FGF10: variants seen among roughly 807,000 people sequenced by gnomAD.
FGF10 encodes FGF-10.
A neutral mutation model predicts 19.8 loss-of-function variants in FGF10; 2 were observed. The observed-to-expected ratio is 0.10, with a 90% CI of 0.04 to 0.32. The LOEUF (loss-of-function observed/expected upper bound fraction) is 0.32. FGF10 is among the 10% of genes least tolerant of loss of function. The probability of loss-of-function intolerance (pLI) is 1.00; values close to 1 mark genes in which losing one functional copy is unlikely to be tolerated. For synonymous variants in FGF10, 112 were observed against 94.0 expected, an observed-to-expected ratio of 1.19 and a Z score of -1.10; for missense variants, 191 against 246.3, an observed-to-expected ratio of 0.78 and a Z score of 1.50.
intron 1 of FGF10, among the ~76,000 whole-genome samples, chr5:44,322,220 T>G (rs1280209037): frequency 6.6e-6 from 1 of 152,188 alleles, no homozygotes; most frequent in East Asian, 1.9e-4. Flanking sequence ...ACTTGCCTAT[T>G]TGTGTGACAT....
chr5:44,348,249 A>T (rs1459941253), intron 1 of FGF10, among the ~76,000 whole-genome samples: 2 of 151,688 alleles, frequency 1.3e-5, no homozygotes. Context: ...TAAAAATATA[A>T]TTTGCTTTTG....
chr5:44,388,721 A>G lies in FGF10; in HGVS notation c.-39T>C. 15 of 1,606,536 alleles carry G rather than the reference A, an allele frequency of 9.3e-6. No homozygotes were observed. Among genetic ancestry groups the G allele is most frequent in the Non-Finnish European group, 1.1e-5 (13 of 1,173,530 alleles). Reference sequence around the variant, plus strand: ...TCGGCACTGGAAATTGTCTCATCAGAAGGAACATACTGGAAGGGTAAGACC... The same window carrying G: ...TCGGCACTGGAAATTGTCTCATCAGGAGGAACATACTGGAAGGGTAAGACC... On this transcript the variant is annotated 5_prime_UTR_variant, in exon 1 of 3. Transcript: ENST00000264664.
chr5:44,373,544 C>T (rs370718045), intron 1 of FGF10, among the ~76,000 whole-genome samples: 8 of 152,144 alleles, frequency 5.3e-5, no homozygotes, highest in Non-Finnish European at 7.4e-5. Context: ...ATCACTTACA[C>T]GTTCTGTTTT....
Position 44,360,846 on chromosome 5 carries a change from A to G in FGF10, c.325+27512T>C, listed in dbSNP as rs144538252. Reference sequence around the variant, plus strand: ...CACAATCACCAAGTGAATAATTGTGAAAGAATATTAATGGCCTGACTACTT... The same window carrying G: ...CACAATCACCAAGTGAATAATTGTGGAAGAATATTAATGGCCTGACTACTT... On this transcript the variant is annotated intron_variant, in intron 1 of 2. Coordinates refer to ENST00000264664, the MANE Select transcript of FGF10 (RefSeq NM_004465.2). Among the ~76,000 whole-genome samples the G allele has an allele frequency of 2.4e-3, 357 of 151,800 alleles. 1 individual carries two copies. The highest frequency in any genetic ancestry group is 8.2e-3 in the African/African-American group (339 of 41,504).
intron 1 of FGF10, among the ~76,000 whole-genome samples, chr5:44,352,496 T>G (rs967155096): frequency 2.6e-5 from 4 of 151,608 alleles, no homozygotes; most frequent in African/African-American, 9.7e-5. Flanking sequence ...TAACTCTGAT[T>G]GAGACAGCTA....
intron 1 of FGF10, among the ~76,000 whole-genome samples, chr5:44,365,776 G>A (rs1741595284): frequency 6.6e-6 from 1 of 152,010 alleles, no homozygotes; most frequent in African/African-American, 2.4e-5. Flanking sequence ...AAATGCACAT[G>A]GTTAGAAGGG....
At chr5:44,352,384 C>A (rs539906510) in intron 1 of FGF10, among the ~76,000 whole-genome samples, 1 of 151,528 alleles carries the variant, frequency 6.6e-6, no homozygotes, top group Non-Finnish European at 1.5e-5. Context: ...GTAGCATGAC[C>A]CTTACCAGGG....
chr5:44,344,180 G>T (rs1741032479), intron 1 of FGF10, among the ~76,000 whole-genome samples: 1 of 151,922 alleles, frequency 6.6e-6, no homozygotes, highest in South Asian at 2.1e-4. Flanking sequence ...AGACAGGTGA[G>T]ACTGAAAACA....
intron 1 of FGF10, among the ~76,000 whole-genome samples, chr5:44,323,192 A>G (rs1384010803): frequency 1.3e-5 from 2 of 152,190 alleles, no homozygotes; most frequent in Non-Finnish European, 2.9e-5. Context: ...CACACTTGGC[A>G]AAGAAAGAAA....
intron 1 of FGF10, among the ~76,000 whole-genome samples, chr5:44,347,258 C>G (rs1194003172): frequency 1.3e-5 from 2 of 151,700 alleles, no homozygotes; most frequent in African/African-American, 4.8e-5. Flanking sequence ...CTGCCTCACT[C>G]GACTCTCTCC....
intron 2 of FGF10, 61 bp from the exon 3 acceptor site, chr5:44,305,253 C>G (rs1740049176): frequency 6.6e-7 from 1 of 1,510,238 alleles, no homozygotes; most frequent in South Asian, 1.1e-5. Context: ...TCATTTGATA[C>G]AAGCCATCCA....
At chr5:44,327,642 G>T (rs1740644262) in intron 1 of FGF10, among the ~76,000 whole-genome samples, 1 of 152,158 alleles carries the variant, frequency 6.6e-6, no homozygotes, top group African/African-American at 2.4e-5. Flanking sequence ...GTGTTTAACA[G>T]CTTTCTGACA....
chr5:44,349,430 A>G (rs1467139871), intron 1 of FGF10, among the ~76,000 whole-genome samples: 2 of 22,650 alleles, frequency 8.8e-5, no homozygotes, highest in Non-Finnish European at 1.7e-4. Context: ...CTTTATATAT[A>G]TATATATATA....
intron 1 of FGF10, among the ~76,000 whole-genome samples, chr5:44,333,909 T>C (rs1043773273): frequency 2.6e-5 from 4 of 152,034 alleles, no homozygotes; most frequent in African/African-American, 7.2e-5. Flanking sequence ...AAGCAGAACC[T>C]GAGACTTGTA....
In FGF10 at chr5:44,305,199, A is replaced by G. The variant is rs778691836; in HGVS notation, c.430-7T>C. On this transcript the variant is annotated splice_region_variant and splice_polypyrimidine_tract_variant and intron_variant, in intron 2 of 2. Transcript: ENST00000264664. ...AGTCATTGTTAAATTCTTTCTGCAAAGGAAAAACAGAATCTTTTATTCCTA... is the reference window on the plus strand; with the variant it reads ...AGTCATTGTTAAATTCTTTCTGCAAGGGAAAAACAGAATCTTTTATTCCTA... The G allele has an allele frequency of 1.2e-6, 2 of 1,612,050 alleles. No homozygotes were observed. Among genetic ancestry groups the G allele is most frequent in the Non-Finnish European group, 1.7e-6 (2 of 1,178,410 alleles).
Position 44,344,568 on chromosome 5 carries a change from C to CTGTGTGTGTGTGTGTGTGTGTGTG in FGF10, c.326-34062_326-34039dup, listed in dbSNP as rs1166640935. On this transcript the variant is annotated intron_variant, in intron 1 of 2. Coordinates refer to ENST00000264664, the MANE Select transcript of FGF10 (RefSeq NM_004465.2). The stretch of plus-strand genomic sequence containing the variant: ...TTAGGGTTTTACTGTTTTGTTTTCT[C>CTGTGTGTGTGTGTGTGTGTGTGTG]TGTGTGTGTGTGTGTGTGTGTGTGT... Among the ~76,000 whole-genome samples, 182 of 126,848 alleles carry CTGTGTGTGTGTGTGTGTGTGTGTG rather than the reference C, an allele frequency of 1.4e-3. 1 individual carries two copies. Among genetic ancestry groups the CTGTGTGTGTGTGTGTGTGTGTGTG allele is most frequent in the African/African-American group, 2.9e-3 (97 of 33,218 alleles). The allele number at this position is 126,848 out of a possible 152,430, so 83.2% of individuals were successfully genotyped here.
At chr5:44,352,450 C>T (rs866690951) in intron 1 of FGF10, among the ~76,000 whole-genome samples, 6 of 151,476 alleles carry the variant, frequency 4.0e-5, no homozygotes, top group Middle Eastern at 3.2e-3. Flanking sequence ...CTGTGCATTT[C>T]GGGAACTCCA....
At chr5:44,366,736 T>C (rs531843677) in intron 1 of FGF10, among the ~76,000 whole-genome samples, 3 of 152,168 alleles carry the variant, frequency 2.0e-5, no homozygotes, top group South Asian at 4.1e-4. Context: ...TTGAAATTCA[T>C]TGGAAAAAGC....
intron 1 of FGF10, among the ~76,000 whole-genome samples, chr5:44,325,279 T>C (rs981285245): frequency 2.1e-4 from 32 of 152,074 alleles, no homozygotes; most frequent in Non-Finnish European, 4.0e-4. Flanking sequence ...ACTTTTACAC[T>C]GTTGGTGGGA....
Sources: gnomAD v4.1 joint callset for allele counts (sites outside exome capture counted in the v4.1 genomes callset) on GRCh38, gnomAD v4.1.1 for gene constraint, MANE v1.5 for transcripts, NCBI Gene and HGNC (gene_info 2026-07-23, HGNC 2026-07-21) for gene names.